The following GIPC2 variants were observed in gnomAD, a reference collection of about 807,000 sequenced individuals.
GIPC2 encodes PDZ domain-containing protein GIPC2.
A neutral mutation model predicts 30.6 loss-of-function variants in GIPC2; 30 were observed. That is an observed-to-expected ratio of 0.98 (90% confidence interval 0.73 to 1.33). The LOEUF is 1.33. Among genes scored for constraint, GIPC2 ranks in the 40% most tolerant of loss-of-function variants. The pLI, the probability that GIPC2 is intolerant of heterozygous loss-of-function variation, is 0.00. For synonymous variants in GIPC2, 167 were observed against 150.0 expected, an observed-to-expected ratio of 1.11 and a Z score of -0.83; for missense variants, 414 against 390.3, an observed-to-expected ratio of 1.06 and a Z score of -0.51.
intron 1 of GIPC2, among the ~76,000 whole-genome samples, chr1:78,076,121 T>C (rs1022011784): frequency 6.6e-6 from 1 of 152,246 alleles, no homozygotes; most frequent in Non-Finnish European, 1.5e-5. Context: ...TCTTGGATTT[T>C]CTTGGCCTAA....
At position 78,095,075 on chromosome 1, in the gene GIPC2, G is replaced by A; in HGVS notation, c.550G>A (p.Glu184Lys). Reference protein sequence around the residue: ...RHYDVAKKLKELKKEELFTMK... With the variant: ...RHYDVAKKLKKLKKEELFTMK... Reference sequence around the variant, plus strand: ...CTATGATGTTGCTAAGAAGTTAAAGGAATTAAAAAAGGAGGAACTCTTTAC... The same window carrying A: ...CTATGATGTTGCTAAGAAGTTAAAGAAATTAAAAAAGGAGGAACTCTTTAC... Residue 184 changes from glutamate (E) to lysine (K), a missense_variant, in exon 3 of 6, where the codon GAA becomes AAA. Glu to Lys is a moderately conservative substitution (Grantham distance 56). Transcript: ENST00000370759. The A allele has an allele frequency of 1.2e-6, 2 of 1,612,068 alleles. No individual in the cohort carries two copies. Among genetic ancestry groups the A allele is most frequent in the Middle Eastern group, 3.3e-4 (2 of 6,056 alleles).
chr1:78,044,992 G>A (rs1323676920), upstream of GIPC2: 6 of 546,104 alleles, frequency 1.1e-5, no homozygotes, highest in Non-Finnish European at 1.4e-5. Context: ...AACTCCTGGA[G>A]ACTAGCAGTT....
At chr1:78,077,308 TTTAAA>T (rs1389521600) in intron 1 of GIPC2, among the ~76,000 whole-genome samples, 26 of 152,342 alleles carry the variant, frequency 1.7e-4, no homozygotes, top group Non-Finnish European at 3.2e-4. Context: ...GTTATATAGT[TTTAAA>T]TTAAATTAAT....
At chr1:78,064,655 C>A (rs886144911) in intron 1 of GIPC2, among the ~76,000 whole-genome samples, 4 of 150,520 alleles carry the variant, frequency 2.7e-5, no homozygotes. Context: ...GTTTTAGGAT[C>A]CATCTTTTTA....
intron 1 of GIPC2, among the ~76,000 whole-genome samples, chr1:78,057,660 T>C (rs1030217602): frequency 2.0e-5 from 3 of 152,234 alleles, no homozygotes; most frequent in Admixed American, 6.5e-5. Flanking sequence ...AATTTATAGC[T>C]GGAAAGAGTG....
chr1:78,066,339 G>A (rs953100276), intron 1 of GIPC2, among the ~76,000 whole-genome samples: 5 of 152,102 alleles, frequency 3.3e-5, no homozygotes, highest in African/African-American at 9.7e-5. Context: ...GTGATATACC[G>A]TCTCATACAA....
chr1:78,045,298 G>A (rs1010816187), upstream of GIPC2, among the ~76,000 whole-genome samples: 8 of 152,172 alleles, frequency 5.3e-5, no homozygotes, highest in African/African-American at 1.9e-4. Flanking sequence ...AGCGTAGTTG[G>A]AGGGGACTGG....
chr1:78,046,817 C>G (rs1661101726), intron 1 of GIPC2, among the ~76,000 whole-genome samples: 1 of 52,028 alleles, frequency 1.9e-5, no homozygotes, highest in Non-Finnish European at 4.0e-5. Flanking sequence ...GCAGGTGATA[C>G]CCAGATTAAG....
chr1:78,124,741 C>T (rs796135163), intron 4 of GIPC2, among the ~76,000 whole-genome samples: 4 of 152,330 alleles, frequency 2.6e-5, no homozygotes, highest in African/African-American at 9.6e-5. Flanking sequence ...CGTGATGGCT[C>T]ATGCCTGTAA....
chr1:78,050,559 C>G (rs1294261584), intron 1 of GIPC2, among the ~76,000 whole-genome samples: 2 of 151,866 alleles, frequency 1.3e-5, no homozygotes, highest in African/African-American at 2.4e-5. Flanking sequence ...GTAAATTAAT[C>G]TCATCTAAAG....
intron 4 of GIPC2, among the ~76,000 whole-genome samples, chr1:78,120,651 T>C (rs1192653182): frequency 2.0e-5 from 3 of 152,128 alleles, no homozygotes; most frequent in East Asian, 3.9e-4. Context: ...TGGTGGAAGG[T>C]GAATGAGGAG....
chr1:78,082,801 T>G (rs550679145), intron 2 of GIPC2, among the ~76,000 whole-genome samples: 100 of 152,256 alleles, frequency 6.6e-4, no homozygotes, highest in Non-Finnish European at 1.3e-3. Context: ...GTTGATGAAA[T>G]TTTTTAAAAA....
intron 5 of GIPC2, among the ~76,000 whole-genome samples, chr1:78,128,658 A>G (rs1156838934): frequency 6.6e-6 from 1 of 152,234 alleles, no homozygotes; most frequent in African/African-American, 2.4e-5. Flanking sequence ...ACATACACAC[A>G]TACGCATAGA....
At chr1:78,117,010 A>C (rs1297482387) in intron 3 of GIPC2, among the ~76,000 whole-genome samples, 1 of 143,086 alleles carries the variant, frequency 7.0e-6, no homozygotes, top group African/African-American at 2.5e-5. Flanking sequence ...CATCCTCTCC[A>C]GCACCTGTTT....
chr1:78,046,603 C>A (rs1300920205), intron 1 of GIPC2, among the ~76,000 whole-genome samples: 1 of 152,104 alleles, frequency 6.6e-6, no homozygotes, highest in Non-Finnish European at 1.5e-5. Flanking sequence ...ACCTTTCTTC[C>A]GCTTGCAAAT....
At chr1:78,123,345 C>T (rs1033552891) in intron 4 of GIPC2, among the ~76,000 whole-genome samples, 1 of 149,740 alleles carries the variant, frequency 6.7e-6, no homozygotes, top group Non-Finnish European at 1.5e-5. Flanking sequence ...GAAGAGTGTT[C>T]TAGGCATGGA....
chr1:78,138,371 T>C lies in GIPC2; in HGVS notation c.*2628T>C, dbSNP rs1663044265. Reference sequence around the variant, plus strand: ...TGACTGAAAATTAACTAAAGAGAGATAATTTTTCAAATGATGTATAATTTG... The same window carrying C: ...TGACTGAAAATTAACTAAAGAGAGACAATTTTTCAAATGATGTATAATTTG... On this transcript the variant is annotated 3_prime_UTR_variant, in exon 6 of 6. Transcript: ENST00000370759. The C allele has an allele frequency of 6.6e-6, 1 of 152,242 alleles. No individual in the cohort carries two copies. The highest frequency in any genetic ancestry group is 1.9e-4 in the East Asian group (1 of 5,202). The allele number at this position is 152,242 out of a possible 1,614,324, so 9.4% of individuals were successfully genotyped here.
chr1:78,051,897 T>A (rs1461411627), intron 1 of GIPC2, among the ~76,000 whole-genome samples: 1 of 152,230 alleles, frequency 6.6e-6, no homozygotes, highest in Admixed American at 6.5e-5. Flanking sequence ...TCCCCTGTAT[T>A]ACCACCTCAT....
At chr1:78,092,056 G>C in intron 2 of GIPC2, 1 of 1,526,932 alleles carries the variant, frequency 6.5e-7, no homozygotes, top group Non-Finnish European at 9.1e-7. Flanking sequence ...GCTCCAAGTA[G>C]ACCATGTCAG....
Sources: allele counts gnomAD v4.1 joint callset (sites outside exome capture counted in the v4.1 genomes callset), GRCh38; gene constraint gnomAD v4.1.1; transcripts MANE v1.5; gene names NCBI Gene and HGNC (gene_info 2026-07-23, HGNC 2026-07-21).